Variants in CDKL5 observed in about 807,000 individuals in gnomAD.
The protein encoded by CDKL5 is cyclin-dependent kinase-like 5.
A neutral mutation model predicts 61.7 loss-of-function variants in CDKL5; 8 were observed. That is an observed-to-expected ratio of 0.13 (90% CI 0.08 to 0.23). CDKL5 has a LOEUF of 0.23. Ranked by LOEUF, CDKL5 falls within the 10% of genes least tolerant of loss-of-function variation. The probability of loss-of-function intolerance (pLI) is 1.00; values close to 1 mark genes in which losing one functional copy is unlikely to be tolerated. For synonymous variants in CDKL5, 275 were observed against 272.3 expected (o/e 1.01, Z -0.10); for missense variants, 440 against 734.5 (o/e 0.60, Z 4.63).
rs1931596352 is a variant in CDKL5, at chrX:18,435,756, G to A, written c.-163+10061G>A. Reference sequence around the variant, plus strand: ...TAATTTTTGTATTTTCAGTAGAGACGGGGTTTCACTATGTTGGCCAGGCTG... The same window carrying A: ...TAATTTTTGTATTTTCAGTAGAGACAGGGTTTCACTATGTTGGCCAGGCTG... On this transcript the variant is annotated intron_variant, in intron 1 of 17. Coordinates refer to ENST00000623535, the MANE Select transcript of CDKL5 (RefSeq NM_001323289.2). 2.7e-5 allele frequency among the ~76,000 whole-genome samples: 3 copies of A among 110,883 alleles called. 1 individual carries two copies. In the Admixed American group the frequency reaches 2.9e-4, roughly 11 times the overall value.
intron 8 of CDKL5, 151 bp from the exon 9 acceptor site, chrX:18,587,803 G>T: frequency 3.9e-6 from 2 of 518,567 alleles, no homozygotes; most frequent in Middle Eastern, 5.4e-4. Context: ...GTGTTCTGAT[G>T]ATTTGCTTTT....
chrX:18,474,965 T>C (rs776444453), intron 1 of CDKL5, among the ~76,000 whole-genome samples: 15 of 107,545 alleles, frequency 1.4e-4, no homozygotes, highest in African/African-American at 4.7e-4. Flanking sequence ...GTTTTTTGGT[T>C]TTTTTTTTTT....
intron 1 of CDKL5, among the ~76,000 whole-genome samples, chrX:18,464,347 A>G (rs764166962): frequency 3.6e-4 from 40 of 111,007 alleles, no homozygotes; most frequent in Non-Finnish European, 6.4e-4. Context: ...TTCCTAAAGT[A>G]CTAGAATTAC....
chrX:18,623,518 T>A (rs757745292), intron 16 of CDKL5, among the ~76,000 whole-genome samples: 4 of 112,252 alleles, frequency 3.6e-5, no homozygotes, highest in Middle Eastern at 4.2e-3. Flanking sequence ...GATTGAAGTT[T>A]ATCAGTAGCT....
At chrX:18,462,129 A>G (rs772899999) in intron 1 of CDKL5, among the ~76,000 whole-genome samples, 5 of 107,554 alleles carry the variant, frequency 4.6e-5, no homozygotes, top group African/African-American at 1.0e-4. Flanking sequence ...TAGTGTTAGA[A>G]TATTTCCTGT....
chrX:18,543,790 A>G (rs1002941130), intron 3 of CDKL5, among the ~76,000 whole-genome samples: 2 of 111,531 alleles, frequency 1.8e-5, no homozygotes, highest in Non-Finnish European at 3.8e-5. Context: ...AATTTGCCCC[A>G]TTATACTCAG....
At position 18,629,000 on chromosome X, in the gene CDKL5, A is replaced by G; in HGVS notation, c.*243A>G. 1.0e-6 allele frequency: 1 copy of G among 973,695 alleles called. No individual in the cohort carries two copies. 80.2% of individuals were successfully genotyped at this position (973,695 alleles called of 1,213,427 possible). A position where few individuals can be genotyped will look rare whatever the true frequency, so the allele number is the denominator to read the frequency against. ...CCACTCCCCACAGGTCTTGTGTGAG[A>G]ATAGATAGAGTGTGCCATTGAGGAA... On this transcript the variant is annotated 3_prime_UTR_variant, in exon 18 of 18. Transcript: ENST00000623535.
intron 1 of CDKL5, among the ~76,000 whole-genome samples, chrX:18,431,175 T>A (rs1278880463): frequency 9.0e-6 from 1 of 111,643 alleles, no homozygotes; most frequent in Non-Finnish European, 1.9e-5. Context: ...GATTTTTTTT[T>A]AAAACAAGAC....
chrX:18,476,770 G>A (rs931165404), intron 1 of CDKL5, among the ~76,000 whole-genome samples: 34 of 111,378 alleles, frequency 3.1e-4, no homozygotes, highest in African/African-American at 1.0e-3. Context: ...ACATATAGTT[G>A]AATCTTTTTT....
intron 1 of CDKL5, chrX:18,442,095 C>G (rs1017589249): frequency 1.3e-4 from 15 of 111,307 alleles, no homozygotes; most frequent in African/African-American, 4.3e-4. Context: ...GCTTGTCTTC[C>G]TGAGTGGAGA....
chrX:18,446,201 A>C, intron 1 of CDKL5, among the ~76,000 whole-genome samples: 1 of 107,590 alleles, frequency 9.3e-6, no homozygotes, highest in East Asian at 2.9e-4. Context: ...AAAAAAAAAA[A>C]AAAAAATTAG....
At chrX:18,525,057 G>A (rs192402535) in intron 3 of CDKL5, among the ~76,000 whole-genome samples, 8 of 110,613 alleles carry the variant, frequency 7.2e-5, no homozygotes, top group Non-Finnish European at 1.5e-4. Flanking sequence ...TAAGTGGTTG[G>A]GACTATAGGC....
At chrX:18,575,512 T>C (rs752918728) in intron 5 of CDKL5, 22 bp downstream of exon 5, 4 of 1,189,062 alleles carry the variant, frequency 3.4e-6, no homozygotes, top group African/African-American at 3.5e-5. Context: ...ATTGCCAATG[T>C]GCACATTTGC....
At chrX:18,466,657 C>T (rs1187195837) in intron 1 of CDKL5, among the ~76,000 whole-genome samples, 3 of 111,187 alleles carry the variant, frequency 2.7e-5, no homozygotes, top group Non-Finnish European at 5.7e-5. Flanking sequence ...ACTACAGGCA[C>T]CCGCCACCAC....
intron 17 of CDKL5, 95 bp downstream of exon 17, chrX:18,625,342 A>G (rs776428560): frequency 2.0e-5 from 19 of 952,998 alleles, no homozygotes; most frequent in South Asian, 1.2e-4. Flanking sequence ...TAGCCTCTCA[A>G]TGTTACAGTA....
intron 1 of CDKL5, among the ~76,000 whole-genome samples, chrX:18,478,252 C>A (rs2147069990): frequency 9.5e-6 from 1 of 105,205 alleles, no homozygotes; most frequent in East Asian, 2.9e-4. Flanking sequence ...CATCTTACTG[C>A]CTTCCAGTCT....
At chrX:18,642,082 G>A (rs200052722), downstream of CDKL5, 1 of 1,209,755 alleles carries the variant, frequency 8.3e-7, no homozygotes, top group African/African-American at 1.8e-5. Context: ...GGATGAGGCG[G>A]ATGAAGCGGG....
intron 3 of CDKL5, among the ~76,000 whole-genome samples, chrX:18,563,302 C>T (rs1276574685): frequency 9.0e-6 from 1 of 111,614 alleles, no homozygotes; most frequent in African/African-American, 3.3e-5. Context: ...GAGTAGCATA[C>T]ATGAAAGAGT....
chrX:18,485,565 A>G (rs1198569293), intron 1 of CDKL5, among the ~76,000 whole-genome samples: 4 of 112,189 alleles, frequency 3.6e-5, no homozygotes, highest in African/African-American at 1.3e-4. Flanking sequence ...TTAACGATTC[A>G]TGGACCAGGT....
Sources: gnomAD v4.1 joint callset for allele counts (sites outside exome capture counted in the v4.1 genomes callset) on GRCh38, gnomAD v4.1.1 for gene constraint, MANE v1.5 for transcripts, NCBI Gene and HGNC (gene_info 2026-07-23, HGNC 2026-07-21) for gene names.